LHFPL2: variants seen among roughly 807,000 people sequenced by gnomAD.
The protein encoded by LHFPL2 is LHFPL tetraspan subfamily member 2 protein.
A neutral mutation model predicts 17.5 loss-of-function variants in LHFPL2; 7 were observed. The observed-to-expected ratio is 0.40, with a 90% CI of 0.23 to 0.75. The LOEUF is 0.75. Among genes scored for constraint, LHFPL2 ranks in the 30% least tolerant of loss-of-function variants. The pLI, the probability that LHFPL2 is intolerant of heterozygous loss-of-function variation, is 0.37. For missense variants in LHFPL2, 241 were observed against 294.8 expected (o/e 0.82, Z 1.34); for synonymous variants, 134 against 116.2 (o/e 1.15, Z -0.99).
In LHFPL2 at chr5:78,485,604, G is replaced by C. The variant is rs904938418; in HGVS notation, c.*3293C>G. On this transcript the variant is annotated 3_prime_UTR_variant, in exon 5 of 5. Coordinates refer to ENST00000380345, the MANE Select transcript of LHFPL2 (RefSeq NM_005779.3). ...TCCAGTGGCCACAAGTTATTGCACA[G>C]AGAGGTCTGTTCTAAGCCAGACTCT... 3 of 152,634 alleles carry C rather than the reference G, an allele frequency of 2.0e-5. No individual in the cohort carries two copies. The South Asian group carries it at 6.2e-4, about 32-fold the overall frequency. The allele number at this position is 152,634 out of a possible 1,614,324, so 9.5% of individuals were successfully genotyped here.
At chr5:78,642,380 C>CTGGTACATCCCTCTTAACT (rs1480032235) in intron 1 of LHFPL2, among the ~76,000 whole-genome samples, 3 of 152,152 alleles carry the variant, frequency 2.0e-5, no homozygotes, top group South Asian at 2.1e-4. Flanking sequence ...ACAACCATTC[C>CTGGTACATCCCTCTTAACT]AGGTACATCC....
intron 3 of LHFPL2, among the ~76,000 whole-genome samples, chr5:78,539,422 G>T (rs999188385): frequency 2.0e-5 from 3 of 152,194 alleles, no homozygotes; most frequent in Non-Finnish European, 4.4e-5. Context: ...TTCCTTATCT[G>T]TGAAGTCGGA....
At chr5:78,537,383 C>T (rs1229637904) in intron 3 of LHFPL2, among the ~76,000 whole-genome samples, 4 of 152,028 alleles carry the variant, frequency 2.6e-5, no homozygotes, top group South Asian at 2.1e-4. Flanking sequence ...AATGGTTATT[C>T]GTGGGAAAAA....
At chr5:78,609,958 G>C (rs1377056937) in intron 2 of LHFPL2, among the ~76,000 whole-genome samples, 1 of 152,094 alleles carries the variant, frequency 6.6e-6, no homozygotes, top group Non-Finnish European at 1.5e-5. Flanking sequence ...TGACCTTCAG[G>C]CTGCTGAAAC....
intron 2 of LHFPL2, among the ~76,000 whole-genome samples, chr5:78,630,855 C>T (rs1317792080): frequency 6.6e-6 from 1 of 152,182 alleles, no homozygotes; most frequent in African/African-American, 2.4e-5. Flanking sequence ...CTCCTAGTGA[C>T]AGTAGTCTGG....
At chr5:78,565,206 G>A (rs914862423) in intron 2 of LHFPL2, among the ~76,000 whole-genome samples, 2 of 152,092 alleles carry the variant, frequency 1.3e-5, no homozygotes, top group Non-Finnish European at 2.9e-5. Context: ...CTTTATGAAT[G>A]ACCATAAAAA....
At chr5:78,502,941 T>C (rs1754818084) in intron 4 of LHFPL2, among the ~76,000 whole-genome samples, 1 of 141,826 alleles carries the variant, frequency 7.1e-6, no homozygotes, top group South Asian at 2.6e-4. Context: ...CATTTTAATA[T>C]TGGCTTCATT....
At chr5:78,598,323 T>C (rs1224756455) in intron 2 of LHFPL2, among the ~76,000 whole-genome samples, 1 of 152,236 alleles carries the variant, frequency 6.6e-6, no homozygotes, top group Non-Finnish European at 1.5e-5. Flanking sequence ...TGAACATCAA[T>C]GTGGAACAGG....
intron 2 of LHFPL2, among the ~76,000 whole-genome samples, chr5:78,586,319 A>G (rs1052252125): frequency 2.0e-5 from 3 of 152,240 alleles, no homozygotes; most frequent in African/African-American, 7.2e-5. Flanking sequence ...GGACACACGT[A>G]CTGCCTGTTG....
At chr5:78,634,172 T>C (rs947894811) in intron 1 of LHFPL2, among the ~76,000 whole-genome samples, 6 of 152,214 alleles carry the variant, frequency 3.9e-5, no homozygotes, top group African/African-American at 1.4e-4. Flanking sequence ...TTCTTGTTTG[T>C]GTTTTTATAG....
intron 2 of LHFPL2, among the ~76,000 whole-genome samples, chr5:78,593,561 A>G (rs2112463709): frequency 6.6e-6 from 1 of 152,306 alleles, no homozygotes; most frequent in Admixed American, 6.5e-5. Flanking sequence ...TTTATGATAT[A>G]CCATTGTGAC....
intron 1 of LHFPL2, among the ~76,000 whole-genome samples, chr5:78,640,732 C>A (rs573497270): frequency 5.3e-5 from 8 of 152,322 alleles, no homozygotes; most frequent in Admixed American, 6.5e-5. Context: ...CCTTCCAACC[C>A]TGTTAAGCAG....
At chr5:78,509,128 G>A (rs1235044449) in intron 4 of LHFPL2, among the ~76,000 whole-genome samples, 1 of 152,196 alleles carries the variant, frequency 6.6e-6, no homozygotes, top group Admixed American at 6.5e-5. Context: ...TAATAAGCTC[G>A]TTAGTGAGAA....
At position 78,627,910 on chromosome 5, in the gene LHFPL2, T is replaced by A. The variant is rs374206147; in HGVS notation, c.-245+4354A>T. Among the ~76,000 whole-genome samples the A allele has an allele frequency of 2.6e-5, 4 of 152,264 alleles. No homozygotes were observed. In the South Asian group the frequency reaches 8.3e-4, roughly 32 times the overall value. ...CCTTCCTCAGAAGCAAAAGACTAAGTCCCAACTCTGCAGGAGCTCATTTCT... is the reference window on the plus strand; with the variant it reads ...CCTTCCTCAGAAGCAAAAGACTAAGACCCAACTCTGCAGGAGCTCATTTCT... On this transcript the variant is annotated intron_variant, in intron 2 of 4. Coordinates refer to ENST00000380345, the MANE Select transcript of LHFPL2 (RefSeq NM_005779.3).
At chr5:78,498,245 A>G (rs754755643) in intron 4 of LHFPL2, among the ~76,000 whole-genome samples, 1 of 152,196 alleles carries the variant, frequency 6.6e-6, no homozygotes, top group Non-Finnish European at 1.5e-5. Context: ...TCTTGGCAGC[A>G]TCGCAGATCA....
chr5:78,507,966 AC>A (rs1246486862), intron 4 of LHFPL2, among the ~76,000 whole-genome samples: 1 of 151,880 alleles, frequency 6.6e-6, no homozygotes, highest in East Asian at 1.9e-4. Context: ...ACACACACAC[AC>A]ACACACACAT....
At chr5:78,509,696 C>G in intron 4 of LHFPL2, 88 bp downstream of exon 4, 1 of 1,345,342 alleles carries the variant, frequency 7.4e-7, no homozygotes, top group Non-Finnish European at 1.0e-6. Context: ...CCAAAACTAG[C>G]AGGAAGCGAA....
intron 2 of LHFPL2, among the ~76,000 whole-genome samples, chr5:78,589,443 C>G (rs948826095): frequency 6.8e-6 from 1 of 146,044 alleles, no homozygotes; most frequent in Admixed American, 6.9e-5. Context: ...GCACTCCAGT[C>G]TGGCAACAGG....
chr5:78,504,992 T>C (rs1351047776), intron 4 of LHFPL2, among the ~76,000 whole-genome samples: 1 of 152,208 alleles, frequency 6.6e-6, no homozygotes, highest in East Asian at 1.9e-4. Context: ...CGGTGGCTCA[T>C]GCTTATGGCA....
Sources: gnomAD v4.1 joint callset for allele counts (sites outside exome capture counted in the v4.1 genomes callset) on GRCh38, gnomAD v4.1.1 for gene constraint, MANE v1.5 for transcripts, NCBI Gene and HGNC (gene_info 2026-07-23, HGNC 2026-07-21) for gene names.